The following BRD4 variants were observed in gnomAD, a reference collection of about 807,000 sequenced individuals.
BRD4 encodes bromodomain containing 4.
Under a neutral mutation model 142.1 loss-of-function variants are expected in BRD4, and 16 were observed. The observed-to-expected ratio is 0.11, with a 90% CI of 0.08 to 0.17. The LOEUF (loss-of-function observed/expected upper bound fraction) is 0.17, where lower values mean the gene tolerates loss of function less well. Ranked by LOEUF, BRD4 falls within the 10% of genes least tolerant of loss-of-function variation. BRD4 has a pLI of 1.00. For missense variants in BRD4, 1,424 were observed against 1,810.9 expected (o/e 0.79, Z 3.88); for synonymous variants, 833 against 707.5 (o/e 1.18, Z -2.82).
intron 1 of BRD4, among the ~76,000 whole-genome samples, chr19:15,281,582 G>C (rs1375702431): frequency 6.6e-6 from 1 of 152,212 alleles, no homozygotes; most frequent in Middle Eastern, 3.2e-3. Context: ...AAGTGGCTCA[G>C]GTACAGTGAA....
intron 1 of BRD4, among the ~76,000 whole-genome samples, chr19:15,287,783 T>G (rs954393804): frequency 6.6e-6 from 1 of 152,120 alleles, no homozygotes; most frequent in Non-Finnish European, 1.5e-5. Flanking sequence ...ATTTCTTTTT[T>G]TTTTTTGAGA....
At chr19:15,247,217 A>T (rs574873060) in intron 11 of BRD4, 10 of 217,190 alleles carry the variant, frequency 4.6e-5, no homozygotes, top group Non-Finnish European at 7.4e-5. Context: ...GAGGTAATGG[A>T]GGGTAAGGTC....
intron 1 of BRD4, among the ~76,000 whole-genome samples, chr19:15,283,997 A>T (rs965398989): frequency 1.3e-5 from 2 of 152,202 alleles, no homozygotes; most frequent in African/African-American, 4.8e-5. Flanking sequence ...CCAGGAACAG[A>T]CACATGCATG....
At position 15,238,304 on chromosome 19, in the gene BRD4, C is replaced by T. The variant is rs2145496571; in HGVS notation, c.*73G>A. 6.3e-7 allele frequency: 1 copy of T among 1,597,766 alleles called. No homozygotes were observed. The highest frequency in any genetic ancestry group is 2.2e-5 in the East Asian group (1 of 44,664). ...ATCCCCTGGCCGCTGATCCCACCTCCACCACCGCCCCTAACACTATGGAAA... is the reference window on the plus strand; with the variant it reads ...ATCCCCTGGCCGCTGATCCCACCTCTACCACCGCCCCTAACACTATGGAAA... On this transcript the variant is annotated 3_prime_UTR_variant, in exon 20 of 20. Transcript: ENST00000679869. The surrounding 1 kb of genome is among the most constrained non-coding windows in gnomAD (Gnocchi z 7.2).
intron 1 of BRD4, among the ~76,000 whole-genome samples, chr19:15,326,882 C>T (rs1386326520): frequency 6.6e-6 from 1 of 152,186 alleles, no homozygotes; most frequent in Admixed American, 6.5e-5. Flanking sequence ...AGACTGAAAA[C>T]AAACTGCTTT....
intron 1 of BRD4, among the ~76,000 whole-genome samples, chr19:15,315,882 G>A (rs889349148): frequency 2.0e-5 from 3 of 151,652 alleles, no homozygotes; most frequent in African/African-American, 7.3e-5. Context: ...GCGGCCGGGC[G>A]CCATGGCTCA....
At chr19:15,282,978 T>C (rs1036196134) in intron 1 of BRD4, among the ~76,000 whole-genome samples, 5 of 152,094 alleles carry the variant, frequency 3.3e-5, no homozygotes, top group African/African-American at 4.8e-5. Context: ...AAAATAATAA[T>C]AAATTAAATA....
At position 15,238,709 on chromosome 19, in the gene BRD4, T is replaced by G; in HGVS notation, c.4020+34A>C. On this transcript the variant is annotated intron_variant, in intron 19 of 19. Coordinates refer to ENST00000679869, the MANE Select transcript of BRD4 (RefSeq NM_001379291.1). This position sits in a 1 kb window ranked among gnomAD's most constrained non-coding sequence, Gnocchi z 7.2. ...CCCAGCTCCCTCAGGAGCTAATCCT[T>G]AGACCAGGGTCCCCACCAGGCCTCC... 2.0e-6 allele frequency: 3 copies of G among 1,477,974 alleles called. No individual in the cohort carries two copies. Among genetic ancestry groups the G allele is most frequent in the Non-Finnish European group, 1.8e-6 (2 of 1,113,524 alleles). 91.6% of individuals were successfully genotyped at this position (1,477,974 alleles called of 1,614,324 possible).
chr19:15,241,925 G>A (rs1003317266), intron 14 of BRD4, among the ~76,000 whole-genome samples: 3 of 146,208 alleles, frequency 2.1e-5, no homozygotes, highest in African/African-American at 5.1e-5. Context: ...CGATTCTCCC[G>A]CCTCAGCCTC....
chr19:15,251,799 T>C (rs1389990087), intron 11 of BRD4, among the ~76,000 whole-genome samples: 1 of 152,106 alleles, frequency 6.6e-6, no homozygotes, highest in Non-Finnish European at 1.5e-5. Flanking sequence ...GCTCACTCAG[T>C]GCACACAGAA....
intron 1 of BRD4, among the ~76,000 whole-genome samples, chr19:15,315,786 G>A (rs1377038523): frequency 6.6e-6 from 1 of 151,574 alleles, no homozygotes; most frequent in African/African-American, 2.4e-5. Context: ...AACCCGGGAG[G>A]TGGAAGCTGC....
intron 11 of BRD4, chr19:15,253,316 G>A (rs1370906784): frequency 2.8e-5 from 16 of 567,796 alleles, no homozygotes; most frequent in South Asian, 1.6e-4. Context: ...GAGCATCTGC[G>A]CCCCTGAGAA....
At chr19:15,327,308 G>A (rs1487581328) in intron 1 of BRD4, among the ~76,000 whole-genome samples, 1 of 152,188 alleles carries the variant, frequency 6.6e-6, no homozygotes, top group East Asian at 1.9e-4. Flanking sequence ...GAAAGCTAAG[G>A]TGGGTGGATC....
chr19:15,299,429 T>C (rs2047850085), intron 1 of BRD4, among the ~76,000 whole-genome samples: 1 of 152,214 alleles, frequency 6.6e-6, no homozygotes, highest in African/African-American at 2.4e-5. Context: ...CAGATTGCTA[T>C]GCTATGCCCA....
rs185090869 is a variant in BRD4 at position 15,304,714 on chromosome 19, C to T, written c.-35+27576G>A. ...ACTGAATGCTTACTGAGACATGGGGCTCAATGTGTCTGTATGCTGTATTCC... is the reference window on the plus strand; with the variant it reads ...ACTGAATGCTTACTGAGACATGGGGTTCAATGTGTCTGTATGCTGTATTCC... On this transcript the variant is annotated intron_variant, in intron 1 of 19. Coordinates refer to ENST00000679869, the MANE Select transcript of BRD4 (RefSeq NM_001379291.1). Among the ~76,000 whole-genome samples the T allele has an allele frequency of 4.6e-5, 7 of 152,284 alleles. No individual in the cohort carries two copies. The East Asian group carries it at 9.7e-4, about 21-fold the overall frequency.
chr19:15,279,788 C>G (rs1335703608), intron 1 of BRD4, among the ~76,000 whole-genome samples: 1 of 152,198 alleles, frequency 6.6e-6, no homozygotes, highest in Non-Finnish European at 1.5e-5. Flanking sequence ...TTGGGACCAG[C>G]TATACTTTGT....
chr19:15,277,700 G>C (rs1197430053), intron 1 of BRD4, among the ~76,000 whole-genome samples: 2 of 151,672 alleles, frequency 1.3e-5, no homozygotes, highest in African/African-American at 2.4e-5. Flanking sequence ...TGAGGCAGGA[G>C]AATTACTTAA....
intron 7 of BRD4, among the ~76,000 whole-genome samples, chr19:15,258,686 T>C (rs1335272330): frequency 6.6e-6 from 1 of 152,130 alleles, no homozygotes; most frequent in African/African-American, 2.4e-5. Context: ...CATGGCTCAC[T>C]ACAGCCTCAT....
chr19:15,253,770 A>G, intron 11 of BRD4: 1 of 1,597,760 alleles, frequency 6.3e-7, no homozygotes, highest in Non-Finnish European at 8.5e-7. Flanking sequence ...CGAAGTCTCC[A>G]CTGGTGCAGA....
Sources: allele counts gnomAD v4.1 joint callset (sites outside exome capture counted in the v4.1 genomes callset), GRCh38; gene constraint gnomAD v4.1.1; non-coding constraint Gnocchi (gnomAD v3.1); transcripts MANE v1.5; gene names NCBI Gene and HGNC (gene_info 2026-07-23, HGNC 2026-07-21).